The following KY variants were observed in gnomAD, a reference collection of about 807,000 sequenced individuals.
The protein encoded by KY is kyphoscoliosis peptidase.
A neutral mutation model predicts 76.1 loss-of-function variants in KY; 43 were observed. That is an observed-to-expected ratio of 0.57 (90% CI 0.44 to 0.73). KY has a LOEUF of 0.73. KY is among the 30% of genes least tolerant of loss of function. The probability of loss-of-function intolerance (pLI) is 0.00; values close to 1 mark genes in which losing one functional copy is unlikely to be tolerated. For synonymous variants in KY, 277 were observed against 326.2 expected (o/e 0.85, Z 1.63); for missense variants, 722 against 828.9 (o/e 0.87, Z 1.58).
At chr3:134,639,851 G>A (rs1965493305) in intron 3 of KY, 1 of 149,712 alleles carries the variant, frequency 6.7e-6, no homozygotes, top group Admixed American at 6.7e-5. Context: ...TCGGGAGGCT[G>A]AGGAAGGAGG....
intron 3 of KY, among the ~76,000 whole-genome samples, chr3:134,635,229 G>A (rs1344635389): frequency 1.3e-5 from 2 of 152,192 alleles, no homozygotes; most frequent in African/African-American, 4.8e-5. Context: ...GGGCATGATG[G>A]CTCATGCCTG....
At chr3:134,633,794 G>A (rs1964553201) in intron 3 of KY, among the ~76,000 whole-genome samples, 2 of 152,080 alleles carry the variant, frequency 1.3e-5, no homozygotes, top group South Asian at 4.1e-4. Flanking sequence ...CATACAGATT[G>A]GCAAGGAAGA....
intron 1 of KY, 67 bp downstream of exon 1, chr3:134,650,758 G>T: frequency 1.4e-6 from 2 of 1,409,306 alleles, no homozygotes; most frequent in Non-Finnish European, 1.9e-6. Flanking sequence ...CCCCCGGCGG[G>T]CAGGCCCTTG....
At chr3:134,623,770 A>G (rs1963027487) in intron 6 of KY, among the ~76,000 whole-genome samples, 1 of 152,042 alleles carries the variant, frequency 6.6e-6, no homozygotes, top group Middle Eastern at 3.2e-3. Flanking sequence ...GTCTGTCCTG[A>G]TCTCACTTGA....
chr3:134,649,530 T>C (rs1359676300), intron 1 of KY, among the ~76,000 whole-genome samples: 2 of 152,208 alleles, frequency 1.3e-5, no homozygotes, highest in Non-Finnish European at 2.9e-5. Context: ...TGCCCTCTGT[T>C]GACTTTCTAA....
intron 10 of KY, among the ~76,000 whole-genome samples, chr3:134,604,867 G>T (rs912964087): frequency 2.6e-5 from 4 of 152,178 alleles, no homozygotes; most frequent in African/African-American, 4.8e-5. Flanking sequence ...CAAGTCTCAG[G>T]TCTAGCTTGC....
rs1258675609 is a variant in KY, at chr3:134,604,349, G to A, written c.1216C>T (p.Pro406Ser). The change falls in exon 11 of 11, where the codon CCT becomes TCT. Residue 406 changes from proline to serine, a missense_variant. Pro to Ser is a moderately conservative substitution (Grantham distance 74, BLOSUM62 -1). This residue lies in a region of KY where 552 missense variants were observed against 680.9 expected (regional missense o/e 0.81). Transcript: ENST00000423778. ...AGCTTGTGAGTGCCCATGGTTGGAG[G>A]GTACACCTCCAACTTCATCCCATTC... is the stretch of plus-strand genomic sequence containing the variant. ...RKNGMKLEVY[P>S]PTMGTHKLQI... 1.9e-6 allele frequency: 3 copies of A among 1,613,754 alleles called. No homozygotes were observed. Among genetic ancestry groups the A allele is most frequent in the Non-Finnish European group, 8.5e-7 (1 of 1,179,692 alleles).
chr3:134,608,567 G>A (rs1166787988), intron 10 of KY, 82 bp downstream of exon 10: 9 of 1,611,012 alleles, frequency 5.6e-6, no homozygotes, highest in African/African-American at 1.3e-5. Flanking sequence ...CCTTGAAAGC[G>A]CAGTCTCAGG....
In KY at chr3:134,648,100, C is replaced by T. The variant is rs553613393; in HGVS notation, c.137-603G>A. On this transcript the variant is annotated intron_variant, in intron 1 of 10. Coordinates refer to ENST00000423778, the MANE Select transcript of KY (RefSeq NM_178554.6). ...TCTGGCTGCGGCTGCAAGTGGTAGCCGCAAGGTCGAGTTCCTGGCACAGCA... is the reference window on the plus strand; with the variant it reads ...TCTGGCTGCGGCTGCAAGTGGTAGCTGCAAGGTCGAGTTCCTGGCACAGCA... 2.8e-4 allele frequency among the ~76,000 whole-genome samples: 42 copies of T among 152,306 alleles called. 1 individual carries two copies. Among genetic ancestry groups the T allele is most frequent in the East Asian group, 3.9e-4 (2 of 5,182 alleles).
At position 134,603,998 on chromosome 3, in the gene KY, GCT is replaced by G; in HGVS notation, c.1565_1566del (p.Glu522AlafsTer31). ...CCTGCATGGGGCAGCTGGACTTTCA[GCT>G]CGGTCTGCTTCTCCCGGTGCAGCTG... ...IFQLHREKQT[E>X]LKVQLPHAGK... On this transcript the variant is annotated frameshift_variant, in exon 11 of 11. Transcript: ENST00000423778. LOFTEE classifies it high-confidence loss of function. 6.2e-7 allele frequency: 1 copy of G among 1,613,874 alleles called. No homozygotes were observed. The highest frequency in any genetic ancestry group is 2.2e-5 in the East Asian group (1 of 44,882).
chr3:134,620,541 C>T (rs546962828), intron 7 of KY, among the ~76,000 whole-genome samples: 3 of 152,304 alleles, frequency 2.0e-5, no homozygotes, highest in African/African-American at 7.2e-5. Context: ...GCAAGGGATT[C>T]TCCTCCAACT....
Position 134,601,113 on chromosome 3 carries a change from A to G in KY, c.*2466T>C, listed in dbSNP as rs1577554630. 6.6e-6 allele frequency: 1 copy of G among 152,340 alleles called. No individual in the cohort carries two copies. The highest frequency in any genetic ancestry group is 1.9e-4 in the East Asian group (1 of 5,180). The allele number at this position is 152,340 out of a possible 1,614,324, so 9.4% of individuals were successfully genotyped here. On this transcript the variant is annotated 3_prime_UTR_variant, in exon 11 of 11. Coordinates refer to ENST00000423778, the MANE Select transcript of KY (RefSeq NM_178554.6). ...GAAAAGCCTTCAAAATGCAACTCCG[A>G]ATGTCTACCCTGAGCAGCATGCGTG...
intron 8 of KY, among the ~76,000 whole-genome samples, chr3:134,614,556 G>T (rs762986687): frequency 2.0e-5 from 3 of 151,992 alleles, no homozygotes; most frequent in Non-Finnish European, 4.4e-5. Flanking sequence ...AATGTGGCCT[G>T]ATGGGAAGAG....
chr3:134,625,683 G>A (rs542229649), intron 5 of KY, among the ~76,000 whole-genome samples: 31 of 152,348 alleles, frequency 2.0e-4, no homozygotes, highest in African/African-American at 6.0e-4. Context: ...GGCGAGGTGC[G>A]TTTGGCACCC....
chr3:134,632,486 T>C (rs568291056), intron 3 of KY, among the ~76,000 whole-genome samples: 128 of 152,048 alleles, frequency 8.4e-4, no homozygotes, highest in African/African-American at 3.0e-3. Flanking sequence ...TATTAAAAAT[T>C]AACATACTTT....
At chr3:134,616,159 T>C (rs1308273381) in intron 8 of KY, among the ~76,000 whole-genome samples, 18 of 152,096 alleles carry the variant, frequency 1.2e-4, no homozygotes, top group Admixed American at 1.2e-3. Context: ...AAGAGAGACA[T>C]TAATGTTGGA....
Position 134,608,602 on chromosome 3 carries a change from AT to A in KY, c.1090+46del, listed in dbSNP as rs746956245. On this transcript the variant is annotated intron_variant, in intron 10 of 10. Transcript: ENST00000423778. ...GCGGGCTCCTGGAGGACAGTGCGAA[AT>A]GCTCCATTCCTGCTGCTAGCACACT... 1.9e-6 allele frequency: 3 copies of A among 1,613,766 alleles called. No homozygotes were observed. In the South Asian group the frequency reaches 3.3e-5, roughly 18 times the overall value.
intron 8 of KY, among the ~76,000 whole-genome samples, chr3:134,614,883 C>T (rs953097827): frequency 6.6e-6 from 1 of 152,080 alleles, no homozygotes; most frequent in Non-Finnish European, 1.5e-5. Context: ...GTAGACTTTC[C>T]CAAATCTGAT....
chr3:134,638,778 C>A (rs1294551074), intron 3 of KY, among the ~76,000 whole-genome samples: 2 of 152,216 alleles, frequency 1.3e-5, no homozygotes, highest in Non-Finnish European at 2.9e-5. Context: ...AGGTTTCAAT[C>A]AGGATTTATC....
Sources: gnomAD v4.1 joint callset for allele counts (sites outside exome capture counted in the v4.1 genomes callset) on GRCh38, gnomAD v4.1.1 for gene constraint, gnomAD v4.1.1 regional missense constraint, MANE v1.5 for transcripts, NCBI Gene and HGNC (gene_info 2026-07-23, HGNC 2026-07-21) for gene names.